MTHFD1: variants seen among roughly 807,000 people sequenced by gnomAD.
The protein encoded by MTHFD1 is C-1-tetrahydrofolate synthase, cytoplasmic.
MTHFD1 carries 44 observed loss-of-function variants against 110.3 expected under a neutral mutation model. The ratio of observed to expected loss-of-function variants is 0.40; its 90% CI spans 0.31 to 0.51. The LOEUF is 0.51. Ranked by LOEUF, MTHFD1 falls within the 20% of genes least tolerant of loss-of-function variation. The pLI, the probability that MTHFD1 is intolerant of heterozygous loss-of-function variation, is 0.60. For missense variants in MTHFD1, 909 were observed against 1,173.1 expected (o/e 0.77, Z 3.29); for synonymous variants, 402 against 428.8 (o/e 0.94, Z 0.77).
intron 27 of MTHFD1, chr14:64,458,655 T>G: frequency 2.7e-6 from 1 of 368,192 alleles, no homozygotes; most frequent in Non-Finnish European, 5.2e-6. Flanking sequence ...GATGACACAT[T>G]GCAGGTCAGG....
chr14:64,411,067 T>C (rs192490131), intron 2 of MTHFD1, 23 bp from the exon 3 acceptor site: 7 of 1,556,064 alleles, frequency 4.5e-6, no homozygotes, highest in Non-Finnish European at 6.2e-6. Context: ...AATCATCTGA[T>C]TTGCATGCAT....
chr14:64,397,466 G>T (rs989889127), intron 1 of MTHFD1, among the ~76,000 whole-genome samples: 1 of 151,632 alleles, frequency 6.6e-6, no homozygotes, highest in Admixed American at 6.6e-5. Flanking sequence ...CTGATTTTTC[G>T]TATTTTTTAG....
At chr14:64,436,230 G>A (rs1212977332) in intron 16 of MTHFD1, among the ~76,000 whole-genome samples, 1 of 152,044 alleles carries the variant, frequency 6.6e-6, no homozygotes, top group Non-Finnish European at 1.5e-5. Flanking sequence ...GAGTAACTGG[G>A]ACTACAGGCA....
chr14:64,431,750 G>A (rs755875102), intron 14 of MTHFD1, 37 bp from the exon 15 acceptor site: 3 of 1,604,904 alleles, frequency 1.9e-6, no homozygotes, highest in Admixed American at 1.7e-5. Context: ...AAGCAGTGGG[G>A]CTCCTCTCAT....
chr14:64,396,604 C>T (rs1409247688), intron 1 of MTHFD1, among the ~76,000 whole-genome samples: 7 of 148,480 alleles, frequency 4.7e-5, no homozygotes, highest in African/African-American at 1.2e-4. Flanking sequence ...GGGGTTTCAC[C>T]GCTCAGGCTG....
In MTHFD1 at chr14:64,427,373, A is replaced by C; in HGVS notation, c.1164A>C (p.Thr388=). The change falls in exon 12 of 28, where the codon ACA becomes ACC. Residue 388 remains threonine, a synonymous_variant. Transcript: ENST00000652337. ...CACCCCTGGGAGAAGGGAAAAGCAC[A>C]ACTACAATCGGGCTAGTGCAAGCCC... ...TPTPLGEGKS[T]TTIGLVQALG... is the part of the protein sequence containing the mutation. 6.2e-7 allele frequency: 1 copy of C among 1,614,234 alleles called. No individual in the cohort carries two copies.
chr14:64,407,204 G>A (rs916820533), intron 2 of MTHFD1, among the ~76,000 whole-genome samples: 1 of 152,046 alleles, frequency 6.6e-6, no homozygotes, highest in African/African-American at 2.4e-5. Context: ...GGTGGCTCAC[G>A]CCTGTAATCC....
intron 26 of MTHFD1, 51 bp from the exon 27 acceptor site, chr14:64,458,163 G>C (rs531040701): frequency 1.4e-6 from 2 of 1,397,152 alleles, no homozygotes; most frequent in African/African-American, 2.8e-5. Context: ...TTATAGGCGT[G>C]AGCCACTGTG....
At chr14:64,398,938 G>T (rs938178057) in intron 1 of MTHFD1, among the ~76,000 whole-genome samples, 2 of 152,200 alleles carry the variant, frequency 1.3e-5, no homozygotes, top group Non-Finnish European at 2.9e-5. Flanking sequence ...TTGGTAAATT[G>T]ATCATCTTAG....
chr14:64,427,174 G>C (rs1383410474), intron 11 of MTHFD1, among the ~76,000 whole-genome samples, 163 bp from the exon 12 acceptor site: 1 of 152,030 alleles, frequency 6.6e-6, no homozygotes, highest in Admixed American at 6.6e-5. Context: ...TCTTGCCTCA[G>C]CCTCCTATAT....
At position 64,431,798 on chromosome 14, in the gene MTHFD1, T is replaced by G. The variant is rs1247590206; in HGVS notation, c.1431T>G (p.Asn477Lys). The G allele has an allele frequency of 9.9e-6, 16 of 1,614,082 alleles. No homozygotes were observed. Among genetic ancestry groups the G allele is most frequent in the African/African-American group, 1.3e-5 (1 of 74,938 alleles). ...ELTQTDKALF[N>K]RLVPSVNGVR... ...TTCTTTTCTTTAAGGCTCTCTTTAA[T>G]CGTTTGGTGCCATCAGTAAATGGAG... The change falls in exon 15 of 28, where the codon AAT (asparagine) becomes AAG (lysine). Residue 477 changes from asparagine (N) to lysine (K), a missense_variant. Asn to Lys is a moderately conservative substitution (Grantham distance 94). Transcript: ENST00000652337.
At chr14:64,414,144 G>A (rs535375724) in intron 4 of MTHFD1, among the ~76,000 whole-genome samples, 32 of 152,054 alleles carry the variant, frequency 2.1e-4, no homozygotes, top group Admixed American at 6.6e-4. Context: ...ACAGGCATGC[G>A]CCACCACGCC....
chr14:64,416,792 C>A (rs567955631), intron 6 of MTHFD1, among the ~76,000 whole-genome samples: 1 of 152,104 alleles, frequency 6.6e-6, no homozygotes, highest in African/African-American at 2.4e-5. Context: ...AAAAATCCCA[C>A]GAGGACAGCA....
intron 1 of MTHFD1, among the ~76,000 whole-genome samples, chr14:64,397,996 A>C (rs1474810843): frequency 2.6e-5 from 4 of 152,206 alleles, no homozygotes; most frequent in Non-Finnish European, 4.4e-5. Context: ...AGGGCCAAAG[A>C]GAGCCTGGGT....
intron 2 of MTHFD1, among the ~76,000 whole-genome samples, chr14:64,407,494 A>C (rs563620981): frequency 6.7e-6 from 1 of 150,308 alleles, no homozygotes; most frequent in South Asian, 2.1e-4. Context: ...TGGTAAGGTG[A>C]TAGAAATACA....
In MTHFD1 at chr14:64,426,334, C is replaced by T. The variant is rs1047696340; in HGVS notation, c.1127+142C>T. 6 of 945,692 alleles carry T rather than the reference C, an allele frequency of 6.3e-6. No homozygotes were observed. The African/African-American group carries it at 6.5e-5, about 10-fold the overall frequency. The allele number at this position is 945,692 out of a possible 1,614,324, so 58.6% of individuals were successfully genotyped here. ...CACCCGTATTTGATCTCATTTGATC[C>T]TTACAGCAATCCTGAGAGGTAGGTA... On this transcript the variant is annotated intron_variant, in intron 11 of 27. Coordinates refer to ENST00000652337, the MANE Select transcript of MTHFD1 (RefSeq NM_005956.4).
intron 23 of MTHFD1, 120 bp downstream of exon 23, chr14:64,448,437 T>A (rs1410875112): frequency 6.0e-6 from 5 of 828,642 alleles, no homozygotes; most frequent in Non-Finnish European, 1.0e-5. Context: ...AGCCTGTGGT[T>A]TTAGCCTGCA....
chr14:64,402,558 G>T (rs2077905724), intron 2 of MTHFD1, among the ~76,000 whole-genome samples: 1 of 152,104 alleles, frequency 6.6e-6, no homozygotes, highest in Non-Finnish European at 1.5e-5. Flanking sequence ...ATTTCAAGTA[G>T]GTGTTTCATA....
chr14:64,392,114 C>T (rs2077811078), intron 1 of MTHFD1, among the ~76,000 whole-genome samples: 1 of 152,168 alleles, frequency 6.6e-6, no homozygotes, highest in Non-Finnish European at 1.5e-5. Context: ...AGCCTTAAGC[C>T]TGCCAATGTT....
Sources: gnomAD v4.1 joint callset for allele counts (sites outside exome capture counted in the v4.1 genomes callset) on GRCh38, gnomAD v4.1.1 for gene constraint, MANE v1.5 for transcripts, NCBI Gene and HGNC (gene_info 2026-07-23, HGNC 2026-07-21) for gene names.